MYO1C: variants seen among roughly 807,000 people sequenced by gnomAD.
The protein encoded by MYO1C is myosin IC.
MYO1C carries 104 observed loss-of-function variants against 150.8 expected under a neutral mutation model. The ratio of observed to expected loss-of-function variants is 0.69; its 90% CI spans 0.59 to 0.81. The LOEUF (loss-of-function observed/expected upper bound fraction) is 0.81, where lower values mean the gene tolerates loss of function less well. Ranked by LOEUF, MYO1C falls within the 30% of genes least tolerant of loss-of-function variation. MYO1C has a pLI of 0.00. For synonymous variants in MYO1C, 663 were observed against 579.9 expected, an observed-to-expected ratio of 1.14 and a Z score of -2.06; for missense variants, 1,504 against 1,435.0, an observed-to-expected ratio of 1.05 and a Z score of -0.78.
chr17:1,468,553 G>A, intron 25 of MYO1C, 57 bp from the exon 26 acceptor site: 1 of 1,423,720 alleles, frequency 7.0e-7, no homozygotes, highest in East Asian at 2.3e-5. Context: ...ATCTTGGGGG[G>A]GCAGAGCCAG....
intron 1 of MYO1C, chr17:1,491,596 C>T (rs891181997): frequency 2.0e-6 from 2 of 980,944 alleles, no homozygotes; most frequent in African/African-American, 1.8e-5. Flanking sequence ...CCCCGAGTAC[C>T]CACCGGCGTG....
At chr17:1,474,786 C>A (rs375071638) in intron 16 of MYO1C, 26 bp downstream of exon 16, 17 of 1,609,276 alleles carry the variant, frequency 1.1e-5, no homozygotes, top group Non-Finnish European at 1.4e-5. Flanking sequence ...CCCACCCCCA[C>A]CCCGGCCTCC....
intron 17 of MYO1C, 75 bp downstream of exon 17, chr17:1,474,535 G>T: frequency 6.7e-7 from 1 of 1,496,204 alleles, no homozygotes; most frequent in Non-Finnish European, 9.3e-7. Flanking sequence ...CACGCTGCCA[G>T]CTCCCAGGCT....
chr17:1,468,782 A>C (rs1223230474), intron 25 of MYO1C: 3 of 524,022 alleles, frequency 5.7e-6, no homozygotes, highest in African/African-American at 1.9e-5. Context: ...TGGCCCTGAG[A>C]CTCAGCTCCA....
At position 1,479,693 on chromosome 17, in the gene MYO1C, T is replaced by C. The variant is rs779849945; in HGVS notation, c.919A>G (p.Ile307Val). 2 of 1,611,156 alleles carry C rather than the reference T, an allele frequency of 1.2e-6. No homozygotes were observed. Among genetic ancestry groups the C allele is most frequent in the African/African-American group, 1.3e-5 (1 of 74,728 alleles). ...CCCAAATGAAGGACGCTGGCCACGA[T>C]GCTCAGCAGGTCCTGGGGGAGCAGG... ...TEDEVEDLLS[I>V]VASVLHLGNI... Residue 307 changes from isoleucine (I) to valine (V), a missense_variant, in exon 8 of 32, where the codon ATC becomes GTC. Transcript: ENST00000648651. This position sits in a 1 kb window ranked among gnomAD's most constrained non-coding sequence, Gnocchi z 4.2.
At position 1,464,645 on chromosome 17, in the gene MYO1C, T is replaced by G. The variant is rs939825780; in HGVS notation, c.*1081A>C. 1 of 152,694 alleles carries G rather than the reference T, an allele frequency of 6.5e-6. No homozygotes were observed. Among genetic ancestry groups the G allele is most frequent in the East Asian group, 1.9e-4 (1 of 5,204 alleles). The allele number at this position is 152,694 out of a possible 1,614,324, so 9.5% of individuals were successfully genotyped here. On this transcript the variant is annotated 3_prime_UTR_variant, in exon 32 of 32. Transcript: ENST00000648651. ...CTTGGTTTTGTGGCAACCTGCCGTA[T>G]GACCGTGGGCAAGTGCCTTCTCCTG...
chr17:1,470,341 T>C lies in MYO1C; in HGVS notation c.2367-7A>G. The C allele has an allele frequency of 1.1e-6, 1 of 905,226 alleles. No homozygotes were observed. The highest frequency in any genetic ancestry group is 1.5e-6 in the Non-Finnish European group (1 of 658,300). The allele number at this position is 905,226 out of a possible 1,614,324, so 56.1% of individuals were successfully genotyped here. ...GACGAAGCCTCGGATGAGCCTGGGG[T>C]GGGGGGCCAGACAGGGTTGGGGGTG... is the stretch of plus-strand genomic sequence containing the variant. On this transcript the variant is annotated splice_region_variant and splice_polypyrimidine_tract_variant and intron_variant, in intron 23 of 31. Transcript: ENST00000648651.
In MYO1C at chr17:1,470,157, C is replaced by A; in HGVS notation, c.2526+18G>T. 1 of 1,601,632 alleles carries A rather than the reference C, an allele frequency of 6.2e-7. No homozygotes were observed. The highest frequency in any genetic ancestry group is 8.5e-7 in the Non-Finnish European group (1 of 1,174,422). ...TGTACTATGATGGTCCCTAACTTGGCAGGGGGTGCCCACAGACCTCACGCA... is the reference window on the plus strand; with the variant it reads ...TGTACTATGATGGTCCCTAACTTGGAAGGGGGTGCCCACAGACCTCACGCA... On this transcript the variant is annotated intron_variant, in intron 24 of 31. Coordinates refer to ENST00000648651, the MANE Select transcript of MYO1C (RefSeq NM_001080779.2).
chr17:1,474,573 G>A (rs775554602), intron 17 of MYO1C, 37 bp downstream of exon 17: 28 of 1,604,230 alleles, frequency 1.7e-5, no homozygotes, highest in South Asian at 8.8e-5. Context: ...ACACTCAGGC[G>A]CATGCACCCC....
chr17:1,468,526 T>C (rs767680427), intron 25 of MYO1C, 30 bp from the exon 26 acceptor site: 14 of 1,566,876 alleles, frequency 8.9e-6, no homozygotes, highest in Middle Eastern at 1.7e-4. Flanking sequence ...GAGGAGAGTG[T>C]CATGGTGGGG....
Position 1,478,246 on chromosome 17 carries a change from G to C in MYO1C, c.1296-54C>G. The C allele has an allele frequency of 6.3e-7, 1 of 1,585,494 alleles. No homozygotes were observed. The highest frequency in any genetic ancestry group is 8.7e-7 in the Non-Finnish European group (1 of 1,155,486). On this transcript the variant is annotated intron_variant, in intron 11 of 31. Coordinates refer to ENST00000648651, the MANE Select transcript of MYO1C (RefSeq NM_001080779.2). This position sits in a 1 kb window ranked among gnomAD's most constrained non-coding sequence, Gnocchi z 6.3. The stretch of plus-strand genomic sequence containing the variant: ...GCTCAGTGGGGACACAGGACCAGGA[G>C]AGGGGAAAAGCTGGACGACGCCCCT...
intron 20 of MYO1C, 28 bp from the exon 21 acceptor site, chr17:1,471,175 G>A: frequency 6.2e-7 from 1 of 1,613,904 alleles, no homozygotes; most frequent in Non-Finnish European, 8.5e-7. Context: ...ATCAGCCCGG[G>A]GTTGCCACTC....
At chr17:1,469,487 CCT>C (rs1293473164) in intron 25 of MYO1C, 42 bp downstream of exon 25, 4 of 1,526,312 alleles carry the variant, frequency 2.6e-6, no homozygotes, top group South Asian at 2.3e-5. Flanking sequence ...CTTGCGACTC[CCT>C]GACTCCACTT....
At chr17:1,482,580 A>C (rs368493943) in intron 4 of MYO1C, 22 bp from the exon 5 acceptor site, 2 of 1,603,188 alleles carry the variant, frequency 1.2e-6, no homozygotes, top group Non-Finnish European at 1.7e-6. Context: ...CAGGGGTATG[A>C]GGGACACCTG....
At chr17:1,468,152 T>C (rs2074219796) in intron 27 of MYO1C, 29 bp from the exon 28 acceptor site, 5 of 1,612,642 alleles carry the variant, frequency 3.1e-6, no homozygotes, top group African/African-American at 2.7e-5. Context: ...CTGAAGGGGC[T>C]GGGGAGAGGC....
chr17:1,476,771 A>G (rs2074409139), intron 14 of MYO1C, among the ~76,000 whole-genome samples: 1 of 152,142 alleles, frequency 6.6e-6, no homozygotes, highest in African/African-American at 2.4e-5. Context: ...AACAAGGAAG[A>G]TGAAAAATCT....
intron 5 of MYO1C, 99 bp from the exon 6 acceptor site, chr17:1,480,984 C>A: frequency 7.5e-7 from 1 of 1,342,214 alleles, no homozygotes. Flanking sequence ...GGCAGCCAGA[C>A]CTGGATGCCA....
rs1007039803 is a variant in MYO1C, at chr17:1,478,714, C to T, written c.1114G>A (p.Glu372Lys). ...GCGTCTCGTGCGTACGCGGCCTGCT[C>T]CAGGTTCAGCGGGCTCAGGAGCTGT... is the stretch of plus-strand genomic sequence containing the variant. Reference protein sequence around the residue: ...GEELLSPLNLEQAAYARDALA... With the variant: ...GEELLSPLNLKQAAYARDALA... Residue 372 changes from glutamate to lysine, a missense_variant, in exon 10 of 32, where the codon GAG becomes AAG. By Grantham distance (56) the Glu-to-Lys change is moderately conservative (BLOSUM62 1). Coordinates refer to ENST00000648651, the MANE Select transcript of MYO1C (RefSeq NM_001080779.2). This position sits in a 1 kb window ranked among gnomAD's most constrained non-coding sequence, Gnocchi z 6.3. The T allele has an allele frequency of 1.9e-6, 3 of 1,614,144 alleles. No homozygotes were observed. Among genetic ancestry groups the T allele is most frequent in the Non-Finnish European group, 2.5e-6 (3 of 1,180,034 alleles).
At chr17:1,477,823 G>T in intron 13 of MYO1C, 68 bp downstream of exon 13, 1 of 1,439,252 alleles carries the variant, frequency 6.9e-7, no homozygotes, top group Non-Finnish European at 9.8e-7. Context: ...AGCCTGGAGA[G>T]AACGGAGAAG....
Sources: allele counts gnomAD v4.1 joint callset (sites outside exome capture counted in the v4.1 genomes callset), GRCh38; gene constraint gnomAD v4.1.1; non-coding constraint Gnocchi (gnomAD v3.1); transcripts MANE v1.5; gene names NCBI Gene and HGNC (gene_info 2026-07-23, HGNC 2026-07-21).